Variants in NUP210L observed in about 807,000 individuals in gnomAD.
NUP210L encodes nuclear pore membrane glycoprotein 210-like.
A neutral mutation model predicts 208.5 loss-of-function variants in NUP210L; 74 were observed. The ratio of observed to expected loss-of-function variants is 0.35; its 90% confidence interval spans 0.29 to 0.43. The LOEUF (loss-of-function observed/expected upper bound fraction) is 0.43. Among genes scored for constraint, NUP210L ranks in the 20% least tolerant of loss-of-function variants. The pLI is 1.00. For synonymous variants in NUP210L, 780 were observed against 816.9 expected, an observed-to-expected ratio of 0.95 and a Z score of 0.77; for missense variants, 1,843 against 2,289.4, an observed-to-expected ratio of 0.81 and a Z score of 3.98.
chr1:154,098,359 T>C lies in NUP210L; in HGVS notation c.1965+1639A>G, dbSNP rs1571269248. The stretch of plus-strand genomic sequence containing the variant: ...CAACGTGGTGAGCAAGGGGTATGTT[T>C]CAGCCCTGTTTGTGTTATAGCTCTT... On this transcript the variant is annotated intron_variant, in intron 14 of 39. Coordinates refer to ENST00000368559, the Ensembl canonical transcript of NUP210L. Among the ~76,000 whole-genome samples the C allele has an allele frequency of 9.2e-5, 14 of 152,330 alleles. No homozygotes were observed. In the South Asian group the frequency reaches 2.9e-3, roughly 32 times the overall value.
chr1:154,034,208 G>A (rs190099856), intron 27 of NUP210L, among the ~76,000 whole-genome samples: 2 of 152,246 alleles, frequency 1.3e-5, no homozygotes, highest in African/African-American at 2.4e-5. Flanking sequence ...AATGAGTTTA[G>A]TTGTACTCTC....
At position 154,129,730 on chromosome 1, in the gene NUP210L, A is replaced by C. The variant is rs566267839; in HGVS notation, c.1010-385T>G. ...AGAGACCTTCTGGCTAAAGGGATGA[A>C]CTGTTGATGGAGGCAGAGGGAGAGG... On this transcript the variant is annotated intron_variant, in intron 7 of 39. Transcript: ENST00000368559. Among the ~76,000 whole-genome samples, 7 of 152,364 alleles carry C rather than the reference A, an allele frequency of 4.6e-5. No individual in the cohort carries two copies. In the South Asian group the frequency reaches 1.4e-3, roughly 32 times the overall value.
At chr1:154,012,448 T>C in intron 33 of NUP210L, 78 bp from the exon 34 acceptor site, 1 of 1,384,250 alleles carries the variant, frequency 7.2e-7, no homozygotes. Context: ...CCTCATAACT[T>C]ATTTAACCAA....
intron 12 of NUP210L, among the ~76,000 whole-genome samples, chr1:154,113,046 ACTTGGGAGG>A (rs796553893): frequency 3.9e-4 from 58 of 150,338 alleles, no homozygotes; most frequent in African/African-American, 1.4e-3. Context: ...AGTCTCAGCT[ACTTGGGAGG>A]CTGAGGCAGG....
chr1:154,152,810 G>C (rs1352701055), exon 2 of NUP210L: 1 of 1,613,816 alleles, frequency 6.2e-7, no homozygotes, highest in Admixed American at 1.7e-5. Context: ...AGCTTTTTGG[G>C]AACACAAGGT....
At chr1:154,046,225 C>T in intron 26 of NUP210L, 25 bp from the exon 27 acceptor site, 1 of 1,614,028 alleles carries the variant, frequency 6.2e-7, no homozygotes, top group Non-Finnish European at 8.5e-7. Flanking sequence ...CAGCATTGTG[C>T]TATATATTCT....
intron 15 of NUP210L, among the ~76,000 whole-genome samples, chr1:154,091,333 T>C (rs1035096900): frequency 6.6e-6 from 1 of 151,712 alleles, no homozygotes; most frequent in Non-Finnish European, 1.5e-5. Flanking sequence ...TGGCCTCAAC[T>C]GATCCACCTG....
In NUP210L at chr1:154,084,180, C is replaced by T. The variant is rs528305790; in HGVS notation, c.2361+5241G>A. 4.6e-5 allele frequency among the ~76,000 whole-genome samples: 7 copies of T among 150,794 alleles called. No homozygotes were observed. The East Asian group carries it at 9.7e-4, about 21-fold the overall frequency. On this transcript the variant is annotated intron_variant, in intron 16 of 39. Coordinates refer to ENST00000368559, the Ensembl canonical transcript of NUP210L. ...TCAGCCTCCCCAGTAGCTGGGACTA[C>T]AGGAGCACGTTACCATGCTTGGCTA... is the stretch of plus-strand genomic sequence containing the variant.
intron 2 of NUP210L, among the ~76,000 whole-genome samples, chr1:154,150,172 C>T (rs916788436): frequency 6.6e-6 from 1 of 151,696 alleles, no homozygotes; most frequent in Non-Finnish European, 1.5e-5. Context: ...GTTGGGAGTT[C>T]GAGATGAGCC....
At chr1:154,049,601 G>GA (rs949148275) in intron 25 of NUP210L, among the ~76,000 whole-genome samples, 3 of 152,120 alleles carry the variant, frequency 2.0e-5, no homozygotes, top group African/African-American at 7.2e-5. Flanking sequence ...TGAACAATTA[G>GA]AAAAAGGACA....
intron 37 of NUP210L, among the ~76,000 whole-genome samples, chr1:153,997,032 C>T (rs924931004): frequency 1.5e-4 from 23 of 151,812 alleles, no homozygotes; most frequent in Non-Finnish European, 2.4e-4. Flanking sequence ...GGCATGATCT[C>T]GGCTCACCGC....
At chr1:154,129,228 T>G in intron 8 of NUP210L, 49 bp downstream of exon 8, 1 of 1,127,848 alleles carries the variant, frequency 8.9e-7, no homozygotes, top group Non-Finnish European at 1.3e-6. Context: ...CTCATTTTAG[T>G]GAAATCATTT....
chr1:154,141,462 A>G, exon 4 of NUP210L: 2 of 1,612,124 alleles, frequency 1.2e-6, no homozygotes, highest in Non-Finnish European at 8.5e-7. Context: ...TCTCTTGCTG[A>G]CTCGTTGTCC....
intron 37 of NUP210L, 103 bp from the exon 38 acceptor site, chr1:153,995,283 ACT>A (rs1445145191): frequency 1.3e-6 from 1 of 783,196 alleles, no homozygotes; most frequent in Admixed American, 2.3e-5. Context: ...TTTTACTCTC[ACT>A]CTGTCCCCCA....
At chr1:154,078,629 C>G (rs1480510642) in intron 16 of NUP210L, among the ~76,000 whole-genome samples, 1 of 150,868 alleles carries the variant, frequency 6.6e-6, no homozygotes, top group Non-Finnish European at 1.5e-5. Flanking sequence ...TATATATTTA[C>G]TGGTTTGATG....
chr1:154,143,577 A>C (rs1241462977), exon 3 of NUP210L: 1 of 1,610,454 alleles, frequency 6.2e-7, no homozygotes, highest in African/African-American at 1.3e-5. Context: ...ATGGTCAGTC[A>C]CTACAATGAA....
At chr1:154,105,879 T>C (rs1007442586) in intron 12 of NUP210L, among the ~76,000 whole-genome samples, 1 of 152,100 alleles carries the variant, frequency 6.6e-6, no homozygotes, top group African/African-American at 2.4e-5. Flanking sequence ...TAATGAACAT[T>C]GGTAGTAGCT....
At chr1:153,994,214 T>A (rs924517695) in intron 38 of NUP210L, among the ~76,000 whole-genome samples, 1 of 152,114 alleles carries the variant, frequency 6.6e-6, no homozygotes, top group African/African-American at 2.4e-5. Context: ...AACTATGAAT[T>A]TCAGCAAAAG....
intron 19 of NUP210L, 119 bp downstream of exon 19, chr1:154,060,818 GTGTTT>G: frequency 1.3e-6 from 1 of 756,134 alleles, no homozygotes; most frequent in Non-Finnish European, 2.2e-6. Context: ...TATTATATAT[GTGTTT>G]TACATATATG....
Sources: allele counts gnomAD v4.1 joint callset (sites outside exome capture counted in the v4.1 genomes callset), GRCh38; gene constraint gnomAD v4.1.1; transcripts MANE v1.5; gene names NCBI Gene and HGNC (gene_info 2026-07-23, HGNC 2026-07-21).